The following FAM185A variants were observed in gnomAD, a reference collection of about 807,000 sequenced individuals.
FAM185A encodes protein FAM185A.
FAM185A carries 21 observed loss-of-function variants against 45.7 expected under a neutral mutation model. That is an observed-to-expected ratio of 0.46 (90% CI 0.33 to 0.66). FAM185A has a LOEUF of 0.66. Ranked by LOEUF, FAM185A falls within the 30% of genes least tolerant of loss-of-function variation. The pLI, the probability that FAM185A is intolerant of heterozygous loss-of-function variation, is 0.03. For synonymous variants in FAM185A, 117 were observed against 194.0 expected (o/e 0.60, Z 3.30); for missense variants, 305 against 485.4 (o/e 0.63, Z 3.49).
At chr7:102,846,692 C>A in the FAM185A span, among the ~76,000 whole-genome samples, 1 of 151,548 alleles carries the variant, frequency 6.6e-6, no homozygotes, top group Non-Finnish European at 1.5e-5. Flanking sequence ...CCTAATTAAT[C>A]ATCTAAGCTC....
chr7:102,827,834 T>C, the FAM185A span, among the ~76,000 whole-genome samples: 6 of 152,204 alleles, frequency 3.9e-5, no homozygotes, highest in African/African-American at 9.7e-5. Context: ...GCTTCATCCA[T>C]GGGGAATCCT....
At chr7:102,830,531 G>A in the FAM185A span, among the ~76,000 whole-genome samples, 28 of 152,148 alleles carry the variant, frequency 1.8e-4, no homozygotes, top group Admixed American at 1.8e-3. Flanking sequence ...AAGACATCTG[G>A]TTCCCCTAGT....
At chr7:102,772,880 C>A (rs1444274111) in intron 5 of FAM185A, among the ~76,000 whole-genome samples, 1 of 151,684 alleles carries the variant, frequency 6.6e-6, no homozygotes, top group Non-Finnish European at 1.5e-5. Context: ...ATTAAGAATT[C>A]TTTTAGGTAC....
the FAM185A span, among the ~76,000 whole-genome samples, chr7:102,846,505 G>A: frequency 6.7e-6 from 1 of 149,454 alleles, no homozygotes; most frequent in Non-Finnish European, 1.5e-5. Flanking sequence ...TGTAATCCCA[G>A]CTACTTGGAA....
downstream of FAM185A, chr7:102,813,500 G>T (rs377759639): frequency 1.4e-4 from 221 of 1,613,932 alleles, no homozygotes; most frequent in Non-Finnish European, 1.8e-4. Context: ...TCCTGCTGCT[G>T]AACTTTAGAT....
the FAM185A span, among the ~76,000 whole-genome samples, chr7:102,831,394 G>GACACACACACACACACACACACACAC: frequency 7.1e-6 from 1 of 141,568 alleles, no homozygotes; most frequent in African/African-American, 2.7e-5. Flanking sequence ...CAGTGCCCGG[G>GACACACACACACACACACACACACAC]ACACACACAC....
In FAM185A at chr7:102,749,276, G is replaced by T. The variant is rs1443513986; in HGVS notation, c.69G>T (p.Trp23Cys). The T allele has an allele frequency of 1.3e-6, 2 of 1,550,294 alleles. No homozygotes were observed. Among genetic ancestry groups the T allele is most frequent in the Non-Finnish European group, 1.7e-6 (2 of 1,146,802 alleles). Residue 23 changes from tryptophan (W) to cysteine (C), a missense_variant, in exon 1 of 8, where the codon TGG becomes TGT. Trp to Cys is a radical substitution (Grantham distance 215, BLOSUM62 -2). This residue lies in a region of FAM185A where 174 missense variants were observed against 247.1 expected (regional missense o/e 0.70). Transcript: ENST00000413034. The stretch of plus-strand genomic sequence containing the variant: ...TCTGTCTCCGTCAGGTCCGACTGTG[G>T]GCTGGCGCTGGGCGCTGGGCTTGCT... ...FRLCLRQVRL[W>C]AGAGRWACWA...
At chr7:102,832,757 G>C in the FAM185A span, 3 of 1,428,060 alleles carry the variant, frequency 2.1e-6, no homozygotes, top group Non-Finnish European at 2.8e-6. Flanking sequence ...AACATATTCT[G>C]AGTCCAGCCC....
intron 5 of FAM185A, among the ~76,000 whole-genome samples, chr7:102,775,447 C>T (rs1295187886): frequency 6.6e-6 from 1 of 152,046 alleles, no homozygotes; most frequent in East Asian, 1.9e-4. Context: ...AAAATATCAC[C>T]TTTGCCTTCT....
intron 7 of FAM185A, among the ~76,000 whole-genome samples, chr7:102,801,921 CA>C (rs200430332): frequency 0.44 from 55,458 of 124,966 alleles, 10,681 homozygotes; most frequent in East Asian, 0.62. Context: ...GACTACGTCT[CA>C]AAAAAAAAAA....
chr7:102,752,922 A>G lies in FAM185A; in HGVS notation c.561+1121A>G, dbSNP rs1010840838. 5.3e-5 allele frequency among the ~76,000 whole-genome samples: 8 copies of G among 150,510 alleles called. No homozygotes were observed. In the East Asian group the frequency reaches 9.7e-4, roughly 18 times the overall value. On this transcript the variant is annotated intron_variant, in intron 2 of 7. Coordinates refer to ENST00000413034, the MANE Select transcript of FAM185A (RefSeq NM_001145268.2). Reference sequence around the variant, plus strand: ...TGCTTCATAATTGCAAAATATTTTCATTTTTAGATTTCTAAACACTAGTTA... The same window carrying G: ...TGCTTCATAATTGCAAAATATTTTCGTTTTTAGATTTCTAAACACTAGTTA...
chr7:102,834,089 A>AGGAAGG, the FAM185A span, among the ~76,000 whole-genome samples: 1 of 68,516 alleles, frequency 1.5e-5, no homozygotes, highest in African/African-American at 6.2e-5. Context: ...AGGAAAGAAA[A>AGGAAGG]GAAAGAAAGA....
intron 6 of FAM185A, chr7:102,779,883 CT>C (rs1430972982): frequency 1.9e-5 from 1 of 51,524 alleles, no homozygotes. Flanking sequence ...TTTTTTTGAG[CT>C]GGGGGAGGTA....
intron 7 of FAM185A, among the ~76,000 whole-genome samples, chr7:102,790,004 T>G (rs913393163): frequency 2.6e-5 from 4 of 152,180 alleles, no homozygotes; most frequent in African/African-American, 9.7e-5. Flanking sequence ...CACGTGGAGC[T>G]GTCATCTCCT....
intron 7 of FAM185A, among the ~76,000 whole-genome samples, chr7:102,794,287 A>G (rs1213098304): frequency 1.3e-5 from 2 of 152,184 alleles, no homozygotes; most frequent in Admixed American, 6.5e-5. Context: ...CCTTATCCTA[A>G]GTGAACTATC....
At chr7:102,766,278 T>C (rs548290884) in intron 4 of FAM185A, among the ~76,000 whole-genome samples, 25 of 152,406 alleles carry the variant, frequency 1.6e-4, no homozygotes, top group Admixed American at 3.3e-4. Context: ...TTAGATTTCC[T>C]ATGTAAATTA....
chr7:102,756,685 A>G (rs1793764405), intron 2 of FAM185A, among the ~76,000 whole-genome samples: 1 of 146,290 alleles, frequency 6.8e-6, no homozygotes, highest in East Asian at 2.0e-4. Flanking sequence ...AATAGACCAA[A>G]CATCTAATGG....
chr7:102,782,942 A>G (rs1157142709), intron 6 of FAM185A, among the ~76,000 whole-genome samples: 1 of 151,122 alleles, frequency 6.6e-6, no homozygotes, highest in African/African-American at 2.4e-5. Flanking sequence ...CTCAAAATAA[A>G]GGATGGAGGA....
chr7:102,799,775 A>G (rs1285991092), intron 7 of FAM185A, among the ~76,000 whole-genome samples: 1 of 152,152 alleles, frequency 6.6e-6, no homozygotes, highest in East Asian at 1.9e-4. Context: ...AATCAGGCAG[A>G]TTATACTTAA....
Sources: allele counts gnomAD v4.1 joint callset (sites outside exome capture counted in the v4.1 genomes callset), GRCh38; gene constraint gnomAD v4.1.1; regional missense constraint gnomAD v4.1.1; transcripts MANE v1.5; gene names NCBI Gene and HGNC (gene_info 2026-07-23, HGNC 2026-07-21).